Variants in GALNT13 observed in about 807,000 individuals in gnomAD.
GALNT13 encodes the protein polypeptide N-acetylgalactosaminyltransferase 13.
GALNT13 carries 28 observed loss-of-function variants against 64.2 expected under a neutral mutation model. That is an observed-to-expected ratio of 0.44 (90% CI 0.32 to 0.60). GALNT13 has a LOEUF of 0.60. GALNT13 is among the 20% of genes least tolerant of loss of function. The pLI, the probability that GALNT13 is intolerant of heterozygous loss-of-function variation, is 0.05. For synonymous variants in GALNT13, 214 were observed against 224.6 expected, an observed-to-expected ratio of 0.95 and a Z score of 0.42; for missense variants, 577 against 669.8, an observed-to-expected ratio of 0.86 and a Z score of 1.53.
chr2:153,660,064 A>G, the GALNT13 span, among the ~76,000 whole-genome samples: 24 of 152,302 alleles, frequency 1.6e-4, no homozygotes, highest in African/African-American at 5.5e-4. Context: ...TACATATATT[A>G]TAGTGACAAA....
chr2:153,101,762 G>A, the GALNT13 span, among the ~76,000 whole-genome samples: 1 of 152,204 alleles, frequency 6.6e-6, no homozygotes, highest in Non-Finnish European at 1.5e-5. Context: ...GCTTCATCTA[G>A]AGCTGTTAAA....
chr2:153,557,520 T>C, the GALNT13 span, among the ~76,000 whole-genome samples: 17,704 of 152,216 alleles, frequency 0.12, 1,344 homozygotes, highest in African/African-American at 0.22. Flanking sequence ...CTCAACCTTC[T>C]ATTCACCTGA....
the GALNT13 span, among the ~76,000 whole-genome samples, chr2:153,736,886 A>G: frequency 6.6e-6 from 1 of 152,040 alleles, no homozygotes; most frequent in Admixed American, 6.5e-5. Context: ...TGCCCTCCTC[A>G]TGTGGCCACC....
At chr2:154,385,376 A>T (rs1200047236) in intron 9 of GALNT13, among the ~76,000 whole-genome samples, 1 of 151,968 alleles carries the variant, frequency 6.6e-6, no homozygotes, top group Non-Finnish European at 1.5e-5. Context: ...TCAAGGGATG[A>T]TAATTACCAT....
Position 154,375,116 on chromosome 2 carries a change from T to A in GALNT13, c.1157-20875T>A, listed in dbSNP as rs139329083. 3.3e-3 allele frequency among the ~76,000 whole-genome samples: 495 copies of A among 152,226 alleles called. 1 individual carries two copies. The highest frequency in any genetic ancestry group is 0.011 in the African/African-American group (464 of 41,544). On this transcript the variant is annotated intron_variant, in intron 9 of 12. Transcript: ENST00000392825. ...CATTCTCTTATCTCAGCCTCCCAAGTAGCTGGGACTACAGGCGCCCGCCAC... is the reference window on the plus strand; with the variant it reads ...CATTCTCTTATCTCAGCCTCCCAAGAAGCTGGGACTACAGGCGCCCGCCAC...
chr2:153,103,043 C>A, the GALNT13 span, among the ~76,000 whole-genome samples: 7 of 152,254 alleles, frequency 4.6e-5, no homozygotes, highest in Non-Finnish European at 8.8e-5. Context: ...TGCCTTTAAA[C>A]TTGCACCTCC....
chr2:153,706,852 T>C, the GALNT13 span, among the ~76,000 whole-genome samples: 5 of 152,342 alleles, frequency 3.3e-5, no homozygotes, highest in African/African-American at 7.2e-5. Flanking sequence ...CTTTCTGAAT[T>C]GGTTTCCTTA....
At chr2:153,657,692 C>A in the GALNT13 span, among the ~76,000 whole-genome samples, 1 of 152,252 alleles carries the variant, frequency 6.6e-6, no homozygotes, top group South Asian at 2.1e-4. Context: ...CAAAATAGCT[C>A]TTTCAGTGAA....
At chr2:154,106,029 C>T (rs559016379) in intron 3 of GALNT13, among the ~76,000 whole-genome samples, 1 of 152,236 alleles carries the variant, frequency 6.6e-6, no homozygotes, top group South Asian at 2.1e-4. Flanking sequence ...TCACTCAGCT[C>T]TCATTCTCCC....
the GALNT13 span, among the ~76,000 whole-genome samples, chr2:153,228,889 A>G: frequency 6.6e-6 from 1 of 151,698 alleles, no homozygotes; most frequent in Admixed American, 6.6e-5. Flanking sequence ...AAAAAAAAAA[A>G]AAAAAGTAGA....
chr2:154,143,522 A>T (rs1321319155), intron 4 of GALNT13, among the ~76,000 whole-genome samples: 1 of 149,970 alleles, frequency 6.7e-6, no homozygotes, highest in East Asian at 2.0e-4. Flanking sequence ...TCACTGAGCT[A>T]ATGTTTAAAA....
At chr2:153,101,036 T>A in the GALNT13 span, among the ~76,000 whole-genome samples, 1 of 151,990 alleles carries the variant, frequency 6.6e-6, no homozygotes, top group Non-Finnish European at 1.5e-5. Flanking sequence ...AGTGAGACTC[T>A]GTCTCAAAAA....
At chr2:153,602,340 C>G in the GALNT13 span, among the ~76,000 whole-genome samples, 2 of 151,706 alleles carry the variant, frequency 1.3e-5, no homozygotes, top group African/African-American at 2.4e-5. Context: ...GAAATTAAAG[C>G]AAACAGGTCA....
chr2:153,157,597 T>A, the GALNT13 span, among the ~76,000 whole-genome samples: 1 of 152,208 alleles, frequency 6.6e-6, no homozygotes, highest in Non-Finnish European at 1.5e-5. Context: ...TAAAAAGCAA[T>A]CTTCAGAAGA....
intron 4 of GALNT13, among the ~76,000 whole-genome samples, chr2:154,150,645 G>A (rs1558988859): frequency 2.6e-5 from 4 of 152,074 alleles, no homozygotes; most frequent in African/African-American, 7.2e-5. Context: ...ACTTCTTCCC[G>A]GTTTAGTCTT....
At chr2:153,326,372 A>T in the GALNT13 span, among the ~76,000 whole-genome samples, 1 of 141,308 alleles carries the variant, frequency 7.1e-6, no homozygotes, top group Non-Finnish European at 1.5e-5. Flanking sequence ...TTTTGAGCCT[A>T]TGTGTGTCTT....
the GALNT13 span, among the ~76,000 whole-genome samples, chr2:153,424,949 C>G: frequency 6.6e-6 from 1 of 151,808 alleles, no homozygotes; most frequent in African/African-American, 2.4e-5. Flanking sequence ...TGAATCATGT[C>G]TACCTACATC....
the GALNT13 span, among the ~76,000 whole-genome samples, chr2:153,549,247 A>G: frequency 6.6e-6 from 1 of 152,228 alleles, no homozygotes; most frequent in South Asian, 2.1e-4. Flanking sequence ...TAAAATGGGA[A>G]TTTCAAAACA....
At chr2:154,265,503 A>G (rs1221734463) in intron 8 of GALNT13, among the ~76,000 whole-genome samples, 1 of 152,098 alleles carries the variant, frequency 6.6e-6, no homozygotes, top group Non-Finnish European at 1.5e-5. Flanking sequence ...GTTGGAGAAC[A>G]GCCTAGCCAA....
Sources: allele counts gnomAD v4.1 joint callset (sites outside exome capture counted in the v4.1 genomes callset), GRCh38; gene constraint gnomAD v4.1.1; transcripts MANE v1.5; gene names NCBI Gene and HGNC (gene_info 2026-07-23, HGNC 2026-07-21).